DPP6: variants seen among roughly 807,000 people sequenced by gnomAD.
The protein encoded by DPP6 is A-type potassium channel modulatory protein DPP6.
In DPP6, 69 loss-of-function variants were observed where a neutral mutation model predicts 122.6. The ratio of observed to expected loss-of-function variants is 0.56; its 90% CI spans 0.46 to 0.69. The LOEUF (loss-of-function observed/expected upper bound fraction) is 0.69. DPP6 is among the 30% of genes least tolerant of loss of function. DPP6 has a pLI of 0.00. For synonymous variants in DPP6, 418 were observed against 433.1 expected (o/e 0.97, Z 0.43); for missense variants, 928 against 1,116.9 (o/e 0.83, Z 2.41).
chr7:153,936,471 C>T (rs1322227535), intron 1 of DPP6, among the ~76,000 whole-genome samples: 11 of 152,044 alleles, frequency 7.2e-5, no homozygotes, highest in Non-Finnish European at 1.0e-4. Context: ...CCCATCTTCC[C>T]GCACGTAGAC....
At chr7:154,236,629 CAGTG>C (rs1209115449) in intron 1 of DPP6, among the ~76,000 whole-genome samples, 1 of 152,188 alleles carries the variant, frequency 6.6e-6, no homozygotes, top group Non-Finnish European at 1.5e-5. Context: ...AGGCAGCCCA[CAGTG>C]AGCCTGAATG....
At chr7:153,890,277 T>C (rs772377637) in intron 1 of DPP6, among the ~76,000 whole-genome samples, 1 of 152,122 alleles carries the variant, frequency 6.6e-6, no homozygotes, top group South Asian at 2.1e-4. Context: ...GCATTTGAGG[T>C]TTGATATTTA....
chr7:154,479,168 C>T (rs922357230), intron 3 of DPP6, among the ~76,000 whole-genome samples: 1 of 152,144 alleles, frequency 6.6e-6, no homozygotes, highest in African/African-American at 2.4e-5. Flanking sequence ...GTACAACAGC[C>T]TCACATTCTC....
At chr7:154,808,582 G>A (rs1442931469) in intron 16 of DPP6, among the ~76,000 whole-genome samples, 2 of 152,140 alleles carry the variant, frequency 1.3e-5, no homozygotes, top group Non-Finnish European at 2.9e-5. Context: ...CAGAAGTTGA[G>A]TGGATTCCCT....
chr7:154,745,587 T>C (rs1400357298), intron 8 of DPP6, among the ~76,000 whole-genome samples: 1 of 152,224 alleles, frequency 6.6e-6, no homozygotes, highest in African/African-American at 2.4e-5. Context: ...AAGAAGAGTT[T>C]ATTTGCCTCA....
chr7:154,859,297 G>A (rs1156821037), intron 17 of DPP6, among the ~76,000 whole-genome samples: 1 of 152,236 alleles, frequency 6.6e-6, no homozygotes, highest in East Asian at 1.9e-4. Flanking sequence ...GGAAAGCGGG[G>A]CCCATGGCCT....
the DPP6 span, among the ~76,000 whole-genome samples, chr7:153,827,775 A>G: frequency 6.6e-6 from 1 of 152,080 alleles, no homozygotes; most frequent in Non-Finnish European, 1.5e-5. Context: ...GCATCAGAGG[A>G]GGCCAAGTGA....
chr7:154,818,574 T>C (rs868755665), intron 16 of DPP6, among the ~76,000 whole-genome samples: 1 of 152,218 alleles, frequency 6.6e-6, no homozygotes, highest in African/African-American at 2.4e-5. Flanking sequence ...GCCTCAAACA[T>C]GTAGGGTGCT....
Position 154,053,005 on chromosome 7 carries a change from G to T in DPP6, c.185G>T (p.Gly62Val), listed in dbSNP as rs1800487261. The T allele has an allele frequency of 5.7e-6, 6 of 1,053,934 alleles. No individual in the cohort carries two copies. Among genetic ancestry groups the T allele is most frequent in the Non-Finnish European group, 5.7e-6 (5 of 874,470 alleles). 65.3% of individuals were successfully genotyped at this position (1,053,934 alleles called of 1,614,324 possible). The change falls in exon 1 of 26, where the codon GGC (glycine) becomes GTC (valine). Residue 62 changes from glycine to valine, a missense_variant. Transcript: ENST00000377770. ...CGGGAGCGCGGCGGCGGCGGCGGCG[G>T]CGCGGGTGGCCGGCCCCGGTTCCAG... ...APRERGGGGG[G>V]AGGRPRFQYQ...
intron 3 of DPP6, among the ~76,000 whole-genome samples, chr7:154,533,161 T>A (rs1827976657): frequency 6.6e-6 from 1 of 152,256 alleles, no homozygotes. Flanking sequence ...TCCCTGTTTC[T>A]TTGGATGTTC....
the DPP6 span, among the ~76,000 whole-genome samples, chr7:153,764,603 T>C: frequency 2.0e-5 from 3 of 151,790 alleles, no homozygotes; most frequent in African/African-American, 4.8e-5. Context: ...ATGGGGAGCT[T>C]TTGGAGAGCT....
chr7:154,171,926 G>T (rs961825833), intron 1 of DPP6, among the ~76,000 whole-genome samples: 1 of 152,120 alleles, frequency 6.6e-6, no homozygotes, highest in African/African-American at 2.4e-5. Flanking sequence ...ATTTTCCACT[G>T]GTAGTTTTGT....
chr7:153,932,687 T>G (rs1377962496), intron 1 of DPP6, among the ~76,000 whole-genome samples: 1 of 152,140 alleles, frequency 6.6e-6, no homozygotes, highest in Admixed American at 6.5e-5. Flanking sequence ...AAGAAGATAA[T>G]CTGTTCCACA....
rs1390348877 is a variant in DPP6 at position 154,063,244 on chromosome 7, T to TG, written c.243+10181_243+10182insG. On this transcript the variant is annotated intron_variant, in intron 1 of 25. Transcript: ENST00000377770. The stretch of plus-strand genomic sequence containing the variant: ...GAGGCAGGGACTGAGAGCCAGCCCC[T>TG]ATTCCCCCACTGGCTCTTAGGACCC... 7.1e-5 allele frequency among the ~76,000 whole-genome samples: 9 copies of TG among 126,436 alleles called. 1 individual carries two copies. In the South Asian group the frequency reaches 9.0e-4, roughly 13 times the overall value. 82.9% of individuals were successfully genotyped at this position (126,436 alleles called of 152,430 possible). A position where few individuals can be genotyped will look rare whatever the true frequency, so the allele number is the denominator to read the frequency against.
chr7:154,033,707 T>C (rs937522000), intron 1 of DPP6, among the ~76,000 whole-genome samples: 2 of 152,236 alleles, frequency 1.3e-5, no homozygotes, highest in Admixed American at 6.5e-5. Flanking sequence ...CATGGTTGAT[T>C]AGTTTTCTAG....
intron 3 of DPP6, 115 bp from the exon 4 acceptor site, chr7:154,540,417 T>C: frequency 2.9e-6 from 2 of 700,318 alleles, no homozygotes; most frequent in South Asian, 1.6e-5. Context: ...GTTTGATGAG[T>C]GGGAGCCTAT....
intron 3 of DPP6, among the ~76,000 whole-genome samples, chr7:154,521,050 T>C (rs1424360914): frequency 6.6e-6 from 1 of 152,164 alleles, no homozygotes; most frequent in Non-Finnish European, 1.5e-5. Flanking sequence ...GTTTTTTAAA[T>C]AATAGAATCA....
At chr7:154,353,990 T>C (rs1263702363) in intron 1 of DPP6, among the ~76,000 whole-genome samples, 1 of 152,180 alleles carries the variant, frequency 6.6e-6, no homozygotes, top group Non-Finnish European at 1.5e-5. Context: ...ATTCAGCACA[T>C]CATAGATTTA....
intron 1 of DPP6, among the ~76,000 whole-genome samples, chr7:153,961,982 T>C (rs1183335462): frequency 1.3e-5 from 2 of 148,816 alleles, no homozygotes; most frequent in Non-Finnish European, 3.0e-5. Flanking sequence ...AGCCATTATA[T>C]GTCCCCTCTT....
Sources: gnomAD v4.1 joint callset for allele counts (sites outside exome capture counted in the v4.1 genomes callset) on GRCh38, gnomAD v4.1.1 for gene constraint, MANE v1.5 for transcripts, NCBI Gene and HGNC (gene_info 2026-07-23, HGNC 2026-07-21) for gene names.